COL4A2: variants seen among roughly 807,000 people sequenced by gnomAD.
COL4A2 encodes collagen type IV alpha 2 chain.
COL4A2 carries 99 observed loss-of-function variants against 200.2 expected under a neutral mutation model. The observed-to-expected ratio is 0.49, with a 90% confidence interval of 0.42 to 0.58. COL4A2 has a LOEUF of 0.58. COL4A2 is among the 20% of genes least tolerant of loss of function. The pLI is 0.00. For missense variants in COL4A2, 1,950 were observed against 2,314.1 expected, an observed-to-expected ratio of 0.84 and a Z score of 3.23; for synonymous variants, 897 against 900.6, an observed-to-expected ratio of 1.00 and a Z score of 0.07.
chr13:110,324,822 T>C (rs936496932), intron 3 of COL4A2, among the ~76,000 whole-genome samples: 16 of 152,226 alleles, frequency 1.1e-4, no homozygotes, highest in Non-Finnish European at 2.2e-4. Context: ...CGCCAATCTT[T>C]AAAACGTGGT....
chr13:110,483,851 C>T (rs1883020495), intron 32 of COL4A2, among the ~76,000 whole-genome samples: 2 of 152,246 alleles, frequency 1.3e-5, no homozygotes, highest in Non-Finnish European at 2.9e-5. Context: ...TGCTTGCTCA[C>T]AGCTCTGTGA....
intron 3 of COL4A2, among the ~76,000 whole-genome samples, chr13:110,310,837 C>A (rs1341588057): frequency 6.6e-6 from 1 of 152,206 alleles, no homozygotes; most frequent in Non-Finnish European, 1.5e-5. Flanking sequence ...CTAATCCTCA[C>A]AAGCAAGCAC....
In COL4A2 at chr13:110,390,640, T is replaced by G. The variant is rs1312766516; in HGVS notation, c.180+33088T>G. Among the ~76,000 whole-genome samples the G allele has an allele frequency of 2.0e-5, 3 of 152,242 alleles. No homozygotes were observed. The East Asian group carries it at 5.8e-4, about 29-fold the overall frequency. ...CATAGGGCAGCTGGAAACCATTCTT[T>G]AGGGACTGGAAAGTCCATTCTCATG... is the stretch of plus-strand genomic sequence containing the variant. On this transcript the variant is annotated intron_variant, in intron 4 of 47. Coordinates refer to ENST00000360467, the MANE Select transcript of COL4A2 (RefSeq NM_001846.4).
chr13:110,485,051 G>C, intron 33 of COL4A2, 24 bp downstream of exon 33: 1 of 1,556,336 alleles, frequency 6.4e-7, no homozygotes, highest in East Asian at 2.3e-5. Flanking sequence ...CCTGCAGCCA[G>C]GGGCCCCTAG....
At chr13:110,451,815 C>T (rs1304033169) in intron 20 of COL4A2, among the ~76,000 whole-genome samples, 3 of 152,208 alleles carry the variant, frequency 2.0e-5, no homozygotes, top group Non-Finnish European at 4.4e-5. Context: ...ATTCTTCTTC[C>T]AATGTGGCCC....
At chr13:110,430,800 G>A in intron 10 of COL4A2, 193 bp downstream of exon 10, 1 of 876,466 alleles carries the variant, frequency 1.1e-6, no homozygotes. Flanking sequence ...GAAGAATAAG[G>A]GCTTAAAATT....
intron 34 of COL4A2, among the ~76,000 whole-genome samples, chr13:110,487,090 A>C (rs956460085): frequency 4.1e-4 from 63 of 152,228 alleles, no homozygotes; most frequent in Non-Finnish European, 7.8e-4. Flanking sequence ...TCCTCCCCTC[A>C]CTCCCAAAAT....
rs1884800268 is a variant in COL4A2 at position 110,307,361 on chromosome 13, G to C, written c.-212G>C. The C allele has an allele frequency of 4.0e-6, 1 of 252,110 alleles. No homozygotes were observed. The highest frequency in any genetic ancestry group is 1.1e-3 in the Middle Eastern group (1 of 872). 15.6% of individuals were successfully genotyped at this position (252,110 alleles called of 1,614,324 possible). On this transcript the variant is annotated 5_prime_UTR_variant, in exon 1 of 48. Coordinates refer to ENST00000360467, the MANE Select transcript of COL4A2 (RefSeq NM_001846.4). The surrounding 1 kb of genome is among the most constrained non-coding windows in gnomAD (Gnocchi z 5.0). Reference sequence around the variant, plus strand: ...AGGCTCCCGCGTCCCAACCCCTCGCGCCCGCGCGTTCGCGGATCCAGGCCG... The same window carrying C: ...AGGCTCCCGCGTCCCAACCCCTCGCCCCCGCGCGTTCGCGGATCCAGGCCG...
intron 4 of COL4A2, among the ~76,000 whole-genome samples, chr13:110,398,885 G>C (rs1334586888): frequency 6.6e-6 from 1 of 151,052 alleles, no homozygotes; most frequent in African/African-American, 2.4e-5. Context: ...TTTTAGCCAA[G>C]TCAAAAAAAG....
chr13:110,428,422 A>G, intron 6 of COL4A2, 45 bp from the exon 7 acceptor site: 2 of 1,153,868 alleles, frequency 1.7e-6, no homozygotes, highest in Non-Finnish European at 2.5e-6. Context: ...CATGACAACT[A>G]GAAGCCTGCT....
intron 4 of COL4A2, among the ~76,000 whole-genome samples, chr13:110,378,932 C>T (rs1324256021): frequency 6.6e-6 from 1 of 152,202 alleles, no homozygotes; most frequent in East Asian, 1.9e-4. Context: ...GAGGCAGAGC[C>T]TCCGTGTCCC....
intron 4 of COL4A2, among the ~76,000 whole-genome samples, chr13:110,397,690 G>A (rs916144318): frequency 6.6e-6 from 1 of 152,196 alleles, no homozygotes; most frequent in Admixed American, 6.5e-5. Context: ...TGAGACGGGC[G>A]TGTCAGCCGC....
intron 36 of COL4A2, among the ~76,000 whole-genome samples, chr13:110,490,157 G>A (rs1036856372): frequency 9.2e-5 from 14 of 152,202 alleles, no homozygotes; most frequent in African/African-American, 3.4e-4. Context: ...CAGAAACAGC[G>A]AAGGGTCCAG....
intron 4 of COL4A2, among the ~76,000 whole-genome samples, chr13:110,407,291 G>A (rs538110372): frequency 6.6e-6 from 1 of 152,212 alleles, no homozygotes; most frequent in Non-Finnish European, 1.5e-5. Context: ...AGAAGTGAGC[G>A]AGGAGGAATG....
At chr13:110,449,921 G>C in intron 19 of COL4A2, 132 bp downstream of exon 19, 1 of 989,176 alleles carries the variant, frequency 1.0e-6, no homozygotes, top group Non-Finnish European at 1.5e-6. Context: ...AGTCTTAGCA[G>C]CTCTAAGGAG....
rs1255629613 is a variant in COL4A2, at chr13:110,457,410, A to G, written c.1407A>G (p.Gly469=). The part of the protein sequence containing the change: ...AGFPGLPGSP[G]ARGPKGWKGD... ...TCCCTGGGCTTCCCGGCTCCCCTGG[A>G]GCCCGCGGACCAAAGGGGTGGAAAG... The change falls in exon 21 of 48, where the codon GGA becomes GGG. Residue 469 remains glycine, a synonymous_variant. Coordinates refer to ENST00000360467, the MANE Select transcript of COL4A2 (RefSeq NM_001846.4). The G allele has an allele frequency of 5.6e-6, 9 of 1,611,390 alleles. No homozygotes were observed. The highest frequency in any genetic ancestry group is 5.3e-5 in the African/African-American group (4 of 74,828).
chr13:110,437,241 G>T (rs576333742), intron 13 of COL4A2, among the ~76,000 whole-genome samples: 1 of 152,184 alleles, frequency 6.6e-6, no homozygotes, highest in Non-Finnish European at 1.5e-5. Context: ...ATGAGTGACC[G>T]TTGACAAAAA....
intron 3 of COL4A2, among the ~76,000 whole-genome samples, chr13:110,310,932 T>C (rs1215082350): frequency 7.2e-5 from 11 of 152,218 alleles, no homozygotes; most frequent in Admixed American, 3.9e-4. Context: ...CCAAGGTTCC[T>C]GTCTTTGTAA....
rs189446155 is a variant in COL4A2, at chr13:110,407,498, C to T, written c.181-17236C>T. 7.2e-3 allele frequency among the ~76,000 whole-genome samples: 1,092 copies of T among 152,336 alleles called. 10 individuals are homozygous for T. Among genetic ancestry groups the T allele is most frequent in the African/African-American group, 0.023 (965 of 41,578 alleles). ...GCACCAGGAGGCCTGGGCATCACAT[C>T]CACCGACCCGAGTTTCACTCTGCAG... On this transcript the variant is annotated intron_variant, in intron 4 of 47. Transcript: ENST00000360467.
Sources: allele counts gnomAD v4.1 joint callset (sites outside exome capture counted in the v4.1 genomes callset), GRCh38; gene constraint gnomAD v4.1.1; non-coding constraint Gnocchi (gnomAD v3.1); transcripts MANE v1.5; gene names NCBI Gene and HGNC (gene_info 2026-07-23, HGNC 2026-07-21).